Variants in PLA2G4E observed in about 807,000 individuals in gnomAD.
PLA2G4E encodes cytosolic phospholipase A2 epsilon.
In PLA2G4E, 84 loss-of-function variants were observed where a neutral mutation model predicts 109.1. The ratio of observed to expected loss-of-function variants is 0.77; its 90% CI spans 0.65 to 0.92. The LOEUF is 0.92. PLA2G4E is among the 40% of genes least tolerant of loss of function. The pLI is 0.00. For synonymous variants in PLA2G4E, 469 were observed against 436.1 expected (o/e 1.08, Z -0.94); for missense variants, 1,057 against 1,076.6 (o/e 0.98, Z 0.25).
At chr15:42,036,425 G>A (rs995541434) in intron 1 of PLA2G4E, among the ~76,000 whole-genome samples, 4 of 152,202 alleles carry the variant, frequency 2.6e-5, no homozygotes, top group African/African-American at 9.6e-5. Flanking sequence ...GGGTCTGAAA[G>A]TGGGAGCGGT....
intron 2 of PLA2G4E, chr15:42,009,148 C>T (rs2068506799): frequency 6.6e-6 from 1 of 152,160 alleles, no homozygotes; most frequent in Non-Finnish European, 1.5e-5. Flanking sequence ...TCATGATAAT[C>T]ACTTAATCCA....
rs116410760 is a variant in PLA2G4E, at chr15:42,019,816, G to A, written c.184-6059C>T. ...TTGAGTGGTCAGGGCAAGAAATCCC[G>A]GCACCAACATGGACCCTCCAGGCCT... is the stretch of plus-strand genomic sequence containing the variant. On this transcript the variant is annotated intron_variant, in intron 1 of 19. Transcript: ENST00000399518. 9.9e-3 allele frequency among the ~76,000 whole-genome samples: 1,508 copies of A among 152,244 alleles called. 18 individuals carry two copies. The highest frequency in any genetic ancestry group is 0.034 in the African/African-American group (1,423 of 41,552).
At chr15:41,999,173 C>T (rs2068385792) in intron 10 of PLA2G4E, 1 of 178,602 alleles carries the variant, frequency 5.6e-6, no homozygotes, top group African/African-American at 2.4e-5. Context: ...CAAATTTCCT[C>T]AAAAGTAAAG....
chr15:42,042,127 C>G (rs1225050511), intron 1 of PLA2G4E, among the ~76,000 whole-genome samples: 1 of 152,138 alleles, frequency 6.6e-6, no homozygotes, highest in Non-Finnish European at 1.5e-5. Flanking sequence ...TGGAAACAAC[C>G]TAGATGATAT....
intron 1 of PLA2G4E, among the ~76,000 whole-genome samples, chr15:42,020,724 G>C (rs1358423501): frequency 6.6e-6 from 1 of 152,158 alleles, no homozygotes; most frequent in African/African-American, 2.4e-5. Context: ...GGCCACCCAA[G>C]CAGGAGCCCT....
exon 8 of PLA2G4E, chr15:42,000,258 T>A: frequency 6.3e-7 from 1 of 1,574,892 alleles, no homozygotes; most frequent in Non-Finnish European, 8.6e-7. Flanking sequence ...AAAGGATTCG[T>A]TCACCATCAC....
chr15:42,050,560 A>G (rs1458245566), exon 1 of PLA2G4E: 2 of 1,550,466 alleles, frequency 1.3e-6, no homozygotes, highest in African/African-American at 2.7e-5. Context: ...AAGGTGGGAG[A>G]CCAGGAGTGT....
In PLA2G4E at chr15:42,050,490, C is replaced by A; in HGVS notation, c.183+31G>T. 7 of 1,541,238 alleles carry A rather than the reference C, an allele frequency of 4.5e-6. No individual in the cohort carries two copies. The South Asian group carries it at 8.5e-5, about 19-fold the overall frequency. ...GAAAGTGAGGTTAAAATTTAAGGGACCAGACCCCCCTCCCAGGAACACAGA... is the reference window on the plus strand; with the variant it reads ...GAAAGTGAGGTTAAAATTTAAGGGAACAGACCCCCCTCCCAGGAACACAGA... On this transcript the variant is annotated intron_variant, in intron 1 of 19. Coordinates refer to ENST00000399518, the Ensembl canonical transcript of PLA2G4E.
intron 12 of PLA2G4E, 67 bp downstream of exon 12, chr15:41,995,293 G>A: frequency 6.4e-7 from 1 of 1,570,478 alleles, no homozygotes; most frequent in African/African-American, 1.3e-5. Flanking sequence ...AGCTTCACCT[G>A]AGACCCCAGG....
intron 2 of PLA2G4E, among the ~76,000 whole-genome samples, chr15:42,013,369 AAG>A (rs552657653): frequency 1.3e-5 from 2 of 152,156 alleles, no homozygotes; most frequent in African/African-American, 2.4e-5. Context: ...CGATTCCAGG[AAG>A]AGAGAGTGGG....
At position 42,010,142 on chromosome 15, in the gene PLA2G4E, C is replaced by CTCCCCCCG. The variant is rs1555387035; in HGVS notation, c.257-2278_257-2277insCGGGGGGA. ...TTTTCCAGAACACTGGCCCCCCCAC[C>CTCCCCCCG]CCGGGCCTGGACCACACCCTTCAGG... On this transcript the variant is annotated intron_variant, in intron 2 of 19. Coordinates refer to ENST00000399518, the Ensembl canonical transcript of PLA2G4E. 8.7e-6 allele frequency: 4 copies of CTCCCCCCG among 459,744 alleles called. 1 individual carries two copies. The highest frequency in any genetic ancestry group is 7.6e-5 in the South Asian group (4 of 52,864). 28.5% of individuals were successfully genotyped at this position (459,744 alleles called of 1,614,324 possible). A position where few individuals can be genotyped will look rare whatever the true frequency, so the allele number is the denominator to read the frequency against.
rs780382821 is a variant in PLA2G4E at position 41,997,113 on chromosome 15, TG to T, written c.1110+10del. The stretch of plus-strand genomic sequence containing the variant: ...GCTGGGCCCAGGCTGGCCACATCCC[TG>T]ATTACCCACCTCGTCCTCCTGCAGG... On this transcript the variant is annotated intron_variant, in intron 11 of 19. Transcript: ENST00000399518. 6.4e-6 allele frequency: 10 copies of T among 1,557,672 alleles called. No individual in the cohort carries two copies. The highest frequency in any genetic ancestry group is 3.8e-5 in the Admixed American group (2 of 52,750).
rs141930396 is a variant in PLA2G4E at position 42,028,340 on chromosome 15, A to C, written c.184-14583T>G. On this transcript the variant is annotated intron_variant, in intron 1 of 19. Coordinates refer to ENST00000399518, the Ensembl canonical transcript of PLA2G4E. ...CCAGGTAGAAAGCTGCTGACCTGGA[A>C]AACTGAGATTCTGTACTGCGTTTTT... is the stretch of plus-strand genomic sequence containing the variant. Among the ~76,000 whole-genome samples, 10 of 152,294 alleles carry C rather than the reference A, an allele frequency of 6.6e-5. No individual in the cohort carries two copies. In the East Asian group the frequency reaches 1.9e-3, roughly 29 times the overall value.
intron 3 of PLA2G4E, among the ~76,000 whole-genome samples, chr15:42,007,475 C>A (rs1248916804): frequency 6.6e-6 from 1 of 152,014 alleles, no homozygotes; most frequent in African/African-American, 2.4e-5. Context: ...TAAGAGACAC[C>A]TAGTTTCAGC....
At chr15:42,000,049 C>A (rs2068398553) in intron 8 of PLA2G4E, 49 bp from the exon 9 acceptor site, 1 of 1,575,680 alleles carries the variant, frequency 6.3e-7, no homozygotes, top group Non-Finnish European at 8.6e-7. Context: ...GCTCCTCTGG[C>A]ACCCCCCACC....
chr15:42,013,687 A>T, exon 2 of PLA2G4E: 2 of 1,550,130 alleles, frequency 1.3e-6, no homozygotes, highest in Admixed American at 2.0e-5. Flanking sequence ...ATACTCACGC[A>T]TATCAGCCTG....
At chr15:42,036,788 G>T (rs1292355783) in intron 1 of PLA2G4E, among the ~76,000 whole-genome samples, 3 of 152,176 alleles carry the variant, frequency 2.0e-5, no homozygotes, top group African/African-American at 7.2e-5. Context: ...GGAGCCGGGA[G>T]CCGGGGAGCA....
At chr15:41,988,095 C>A in exon 16 of PLA2G4E, 1 of 1,608,160 alleles carries the variant, frequency 6.2e-7, no homozygotes, top group East Asian at 2.2e-5. Context: ...AAAACTCCTC[C>A]GAGGTGTGTG....
intron 1 of PLA2G4E, among the ~76,000 whole-genome samples, chr15:42,032,943 C>T (rs1250036257): frequency 6.6e-6 from 1 of 152,116 alleles, no homozygotes; most frequent in Non-Finnish European, 1.5e-5. Flanking sequence ...CTCCCCCACC[C>T]CTCCCCACTG....
Sources: gnomAD v4.1 joint callset for allele counts (sites outside exome capture counted in the v4.1 genomes callset) on GRCh38, gnomAD v4.1.1 for gene constraint, MANE v1.5 for transcripts, NCBI Gene and HGNC (gene_info 2026-07-23, HGNC 2026-07-21) for gene names.